The following INSL6 variants were observed in gnomAD, a reference collection of about 807,000 sequenced individuals.
INSL6 encodes insulin-like peptide INSL6.
Under a neutral mutation model 9.4 loss-of-function variants are expected in INSL6, and 16 were observed. The ratio of observed to expected loss-of-function variants is 1.70; its 90% confidence interval spans 1.15 to 2.59. INSL6 has a LOEUF of 2.59. Ranked by LOEUF, INSL6 falls within the 30% of genes most tolerant of loss-of-function variation. INSL6 has a pLI of 0.00. For missense variants in INSL6, 391 were observed against 257.3 expected, an observed-to-expected ratio of 1.52 and a Z score of -3.56; for synonymous variants, 154 against 96.9, an observed-to-expected ratio of 1.59 and a Z score of -3.46.
intron 2 of INSL6, among the ~76,000 whole-genome samples, chr9:5,138,888 G>C (rs755227176): frequency 6.7e-6 from 1 of 148,922 alleles, no homozygotes; most frequent in Non-Finnish European, 1.5e-5. Flanking sequence ...CTGTCGGGTT[G>C]TTTTTATATA....
At chr9:5,026,869 A>G in the INSL6 span, among the ~76,000 whole-genome samples, 2 of 152,226 alleles carry the variant, frequency 1.3e-5, no homozygotes, top group Non-Finnish European at 2.9e-5. Context: ...AAGAAATTAC[A>G]TATGCACTCA....
the INSL6 span, among the ~76,000 whole-genome samples, chr9:5,069,670 C>G: frequency 6.6e-6 from 1 of 151,880 alleles, no homozygotes; most frequent in Admixed American, 6.6e-5. Context: ...AATGAAATAA[C>G]TGGCAGGAAT....
At chr9:4,997,536 T>A in the INSL6 span, among the ~76,000 whole-genome samples, 870 of 152,236 alleles carry the variant, frequency 5.7e-3, 9 homozygotes, top group African/African-American at 0.02. Context: ...GCTAAACCAT[T>A]CATGAGAAAT....
At chr9:5,075,075 C>A in the INSL6 span, among the ~76,000 whole-genome samples, 1 of 151,976 alleles carries the variant, frequency 6.6e-6, no homozygotes, top group Non-Finnish European at 1.5e-5. Context: ...AGAGCAAGAT[C>A]TTAATGCTCT....
chr9:5,108,097 G>C, the INSL6 span: 1 of 151,836 alleles, frequency 6.6e-6, no homozygotes, highest in African/African-American at 2.4e-5. Context: ...TTTCTCTTCT[G>C]ATCTGCTGAT....
the INSL6 span, chr9:5,111,821 C>G: frequency 2.4e-6 from 1 of 419,908 alleles, no homozygotes; most frequent in Admixed American, 2.7e-5. Context: ...GGCGGCGTCT[C>G]CAGCCACACG....
At chr9:5,020,461 A>G in the INSL6 span, among the ~76,000 whole-genome samples, 25 of 152,156 alleles carry the variant, frequency 1.6e-4, no homozygotes, top group African/African-American at 4.1e-4. Flanking sequence ...ATGATTTCCA[A>G]TTTCCTGGTG....
At chr9:5,149,230 T>C (rs1207104239) in intron 2 of INSL6, among the ~76,000 whole-genome samples, 36 of 152,230 alleles carry the variant, frequency 2.4e-4, no homozygotes, top group Admixed American at 2.4e-3. Context: ...GAACCAGCCA[T>C]AGCATTTAGG....
At chr9:5,146,084 C>T (rs934446168) in intron 2 of INSL6, among the ~76,000 whole-genome samples, 2 of 151,864 alleles carry the variant, frequency 1.3e-5, no homozygotes, top group African/African-American at 4.8e-5. Flanking sequence ...GTGGGCTTAT[C>T]TACTTTCAAT....
chr9:5,116,245 A>T, the INSL6 span, among the ~76,000 whole-genome samples: 4 of 152,172 alleles, frequency 2.6e-5, no homozygotes, highest in African/African-American at 9.7e-5. Context: ...CTGGACCAGG[A>T]TTTAAACCCA....
chr9:5,055,800 T>C, the INSL6 span: 1 of 1,604,354 alleles, frequency 6.2e-7, no homozygotes, highest in Non-Finnish European at 8.5e-7. Context: ...TAAGTTTGCT[T>C]TATGATTGAA....
At chr9:5,083,716 C>G in the INSL6 span, among the ~76,000 whole-genome samples, 1 of 152,016 alleles carries the variant, frequency 6.6e-6, no homozygotes, top group African/African-American at 2.4e-5. Context: ...AAGAATACAT[C>G]AAAAGATCAC....
the INSL6 span, chr9:5,112,335 C>G: frequency 1.6e-5 from 5 of 320,426 alleles, no homozygotes; most frequent in Admixed American, 1.2e-4. Flanking sequence ...CCCGACCTCT[C>G]TTGGCCTTCC....
rs1215734067 is a variant in INSL6, at chr9:5,180,637, G to C, written c.289+4677C>G. On this transcript the variant is annotated intron_variant, in intron 1 of 1. Coordinates refer to ENST00000381641, the MANE Select transcript of INSL6 (RefSeq NM_007179.3). ...GTACCCTCAGGCTTACTAGGGTGGG[G>C]AAAAACTCCACCCTGGTAAATTTGT... 2.6e-5 allele frequency among the ~76,000 whole-genome samples: 4 copies of C among 152,108 alleles called. No homozygotes were observed. In the East Asian group the frequency reaches 7.7e-4, roughly 29 times the overall value.
chr9:5,003,460 A>G, the INSL6 span, among the ~76,000 whole-genome samples: 2 of 151,830 alleles, frequency 1.3e-5, no homozygotes, highest in African/African-American at 4.8e-5. Context: ...ATTCCTAGGT[A>G]TTTGATTTTT....
chr9:5,075,130 A>G, the INSL6 span, among the ~76,000 whole-genome samples: 1 of 152,168 alleles, frequency 6.6e-6, no homozygotes, highest in Non-Finnish European at 1.5e-5. Flanking sequence ...TGCAGAAGAA[A>G]AGTTGGAAGC....
chr9:5,102,295 T>C, the INSL6 span, among the ~76,000 whole-genome samples: 277 of 152,174 alleles, frequency 1.8e-3, 2 homozygotes, highest in African/African-American at 6.3e-3. Context: ...GTATCAGTGA[T>C]TGAAGATCAA....
chr9:5,141,597 C>T (rs919357565), intron 2 of INSL6, among the ~76,000 whole-genome samples: 1 of 151,712 alleles, frequency 6.6e-6, no homozygotes, highest in African/African-American at 2.4e-5. Context: ...TTTCTAAGTT[C>T]CTTATAGATG....
At chr9:5,129,021 C>T (rs1372991781) in intron 3 of INSL6, among the ~76,000 whole-genome samples, 2 of 151,952 alleles carry the variant, frequency 1.3e-5, no homozygotes, top group Non-Finnish European at 2.9e-5. Flanking sequence ...TATATGCTGC[C>T]AGTAACACTA....
Sources: allele counts gnomAD v4.1 joint callset (sites outside exome capture counted in the v4.1 genomes callset), GRCh38; gene constraint gnomAD v4.1.1; transcripts MANE v1.5; gene names NCBI Gene and HGNC (gene_info 2026-07-23, HGNC 2026-07-21).